TNFSF10: variants seen among roughly 807,000 people sequenced by gnomAD.
The protein encoded by TNFSF10 is tumor necrosis factor ligand superfamily member 10.
Under a neutral mutation model 29.5 loss-of-function variants are expected in TNFSF10, and 13 were observed. That is an observed-to-expected ratio of 0.44 (90% CI 0.29 to 0.70). TNFSF10 has a LOEUF of 0.70. Ranked by LOEUF, TNFSF10 falls within the 30% of genes least tolerant of loss-of-function variation. The probability of loss-of-function intolerance (pLI) is 0.13; values close to 1 mark genes in which losing one functional copy is unlikely to be tolerated. For missense variants in TNFSF10, 345 were observed against 330.9 expected, an observed-to-expected ratio of 1.04 and a Z score of -0.33; for synonymous variants, 111 against 112.8, an observed-to-expected ratio of 0.98 and a Z score of 0.10.
chr3:172,521,766 T>G (rs1022266569), intron 1 of TNFSF10, among the ~76,000 whole-genome samples: 16 of 152,310 alleles, frequency 1.1e-4, no homozygotes, highest in African/African-American at 3.6e-4. Flanking sequence ...CCAGCACCAT[T>G]TACAATAGCA....
Position 172,523,404 on chromosome 3 carries a change from T to G in TNFSF10, c.-20A>C, listed in dbSNP as rs1434082723. On this transcript the variant is annotated 5_prime_UTR_variant, in exon 1 of 5. Coordinates refer to ENST00000241261, the MANE Select transcript of TNFSF10 (RefSeq NM_003810.4). ...AGCCATGATCCTGTCAGAGTCTGAC[T>G]GCTGTAAGTCAGCCAGGCAGCCGGT... is the stretch of plus-strand genomic sequence containing the variant. 6.2e-7 allele frequency: 1 copy of G among 1,603,852 alleles called. No homozygotes were observed. The highest frequency in any genetic ancestry group is 1.3e-5 in the African/African-American group (1 of 74,882).
chr3:172,519,798 A>G (rs1399457031), intron 1 of TNFSF10, among the ~76,000 whole-genome samples: 3 of 152,254 alleles, frequency 2.0e-5, no homozygotes, highest in Non-Finnish European at 4.4e-5. Context: ...GCAAATAGTT[A>G]CTACTCTATG....
At chr3:172,515,640 A>T (rs769776938) in intron 1 of TNFSF10, among the ~76,000 whole-genome samples, 7 of 152,064 alleles carry the variant, frequency 4.6e-5, no homozygotes, top group Non-Finnish European at 1.0e-4. Context: ...ATTGGTAGAG[A>T]CCTTAAACAC....
At position 172,514,955 on chromosome 3, in the gene TNFSF10, T is replaced by C; in HGVS notation, c.176A>G (p.Lys59Arg). The C allele has an allele frequency of 6.2e-7, 1 of 1,614,192 alleles. No individual in the cohort carries two copies. Among genetic ancestry groups the C allele is most frequent in the South Asian group, 1.1e-5 (1 of 91,086 alleles). ...YSKSGIACFL[K>R]EDDSYWDPND... Reference sequence around the variant, plus strand: ...GGGGTCCCAATAACTGTCATCTTCTTTTAAGAAACAAGCAATGCCACTTTT... The same window carrying C: ...GGGGTCCCAATAACTGTCATCTTCTCTTAAGAAACAAGCAATGCCACTTTT... Residue 59 changes from lysine to arginine, a missense_variant, in exon 2 of 5, where the codon AAA (lysine) becomes AGA (arginine). Lys to Arg is a conservative substitution (Grantham distance 26). Transcript: ENST00000241261.
At chr3:172,515,056 A>T in intron 1 of TNFSF10, 58 bp from the exon 2 acceptor site, 1 of 1,608,896 alleles carries the variant, frequency 6.2e-7, no homozygotes, top group South Asian at 1.1e-5. Flanking sequence ...ATTTTTGTTC[A>T]TTTGGAAGTT....
intron 3 of TNFSF10, among the ~76,000 whole-genome samples, chr3:172,510,120 C>T (rs560702915): frequency 6.6e-6 from 1 of 152,258 alleles, no homozygotes; most frequent in African/African-American, 2.4e-5. Context: ...CACTACACCC[C>T]AGAGGGCTAC....
Position 172,505,529 on chromosome 3 carries a change from A to T in TNFSF10, c.*963T>A, listed in dbSNP as rs184623167. 1.2e-4 allele frequency: 18 copies of T among 152,188 alleles called. No homozygotes were observed. Among genetic ancestry groups the T allele is most frequent in the Admixed American group, 1.2e-3 (18 of 15,288 alleles). The allele number at this position is 152,188 out of a possible 1,614,324, so 9.4% of individuals were successfully genotyped here. A position where few individuals can be genotyped will look rare whatever the true frequency, so the allele number is the denominator to read the frequency against. The stretch of plus-strand genomic sequence containing the variant: ...TTGATCATATTAAATTAAAAGTAAG[A>T]AATTTATTTCTTCTGTAATATGTGT... On this transcript the variant is annotated 3_prime_UTR_variant, in exon 5 of 5. Coordinates refer to ENST00000241261, the MANE Select transcript of TNFSF10 (RefSeq NM_003810.4).
At position 172,523,316 on chromosome 3, in the gene TNFSF10, T is replaced by A. The variant is rs1359524628; in HGVS notation, c.69A>T (p.Thr23=). The change falls in exon 1 of 5, where the codon ACA becomes ACT. Residue 23 remains threonine, a synonymous_variant. Transcript: ENST00000241261. ...CCACACAGAGAGACTGCAGGAGCACTGTGAAGATCACGATCAGCACGCAGG... is the reference window on the plus strand; with the variant it reads ...CCACACAGAGAGACTGCAGGAGCACAGTGAAGATCACGATCAGCACGCAGG... ...GQTCVLIVIF[T]VLLQSLCVAV... 6 of 1,614,094 alleles carry A rather than the reference T, an allele frequency of 3.7e-6. No individual in the cohort carries two copies. The South Asian group carries it at 6.6e-5, about 18-fold the overall frequency.
rs763023044 is a variant in TNFSF10, at chr3:172,514,848, T to A, written c.270+13A>T. 5 of 1,613,342 alleles carry A rather than the reference T, an allele frequency of 3.1e-6. No homozygotes were observed. The South Asian group carries it at 5.5e-5, about 18-fold the overall frequency. On this transcript the variant is annotated intron_variant, in intron 2 of 4. Transcript: ENST00000241261. ...TCCGCCTGCTGGTGAGGTCACCTGG[T>A]GAGGTTACCTACCTTTCTAACGAGC...
chr3:172,511,633 G>T lies in TNFSF10; in HGVS notation c.297C>A (p.Thr99=). The T allele has an allele frequency of 6.2e-7, 1 of 1,611,392 alleles. No homozygotes were observed. Among genetic ancestry groups the T allele is most frequent in the African/African-American group, 1.3e-5 (1 of 74,946 alleles). ...RKMILRTSEE[T]ISTVQEKQQN... The stretch of plus-strand genomic sequence containing the variant: ...AGATACTACCTTGAACTGTAGAAAT[G>T]GTTTCCTCAGAGGTTCTCAAAATCA... Residue 99 remains threonine, a synonymous_variant, in exon 3 of 5, where the codon ACC becomes ACA. Coordinates refer to ENST00000241261, the MANE Select transcript of TNFSF10 (RefSeq NM_003810.4).
At chr3:172,520,300 T>C (rs1713629022) in intron 1 of TNFSF10, among the ~76,000 whole-genome samples, 2 of 152,196 alleles carry the variant, frequency 1.3e-5, no homozygotes, top group Admixed American at 1.3e-4. Flanking sequence ...CAGGCAGAGA[T>C]TGGCAGTTTG....
In TNFSF10 at chr3:172,523,275, T is replaced by G; in HGVS notation, c.110A>C (p.Tyr37Ser). The G allele has an allele frequency of 6.2e-7, 1 of 1,613,894 alleles. No individual in the cohort carries two copies. The highest frequency in any genetic ancestry group is 8.5e-7 in the Non-Finnish European group (1 of 1,179,808). The change falls in exon 1 of 5, where the codon TAC becomes TCC. Residue 37 changes from tyrosine to serine, a missense_variant. Physicochemically the swap from Tyr to Ser is moderately radical, Grantham distance 144. Coordinates refer to ENST00000241261, the MANE Select transcript of TNFSF10 (RefSeq NM_003810.4). ...QSLCVAVTYVYFTNELKQMQD... is the reference protein window; with the variant it reads ...QSLCVAVTYVSFTNELKQMQD... ...GACCTGCTTCAGCTCGTTGGTAAAG[T>G]ACACGTAAGTTACAGCCACACAGAG...
In TNFSF10 at chr3:172,506,566, C is replaced by T; in HGVS notation, c.772G>A (p.Val258Ile). The change falls in exon 5 of 5, where the codon GTT becomes ATT. Residue 258 changes from valine to isoleucine, a missense_variant. Transcript: ENST00000241261. ...FELKENDRIF[V>I]SVTNEHLIDM... The stretch of plus-strand genomic sequence containing the variant: ...ATCAAGTGCTCATTTGTTACAGAAA[C>T]AAAAATTCTGTCATTTTCCTTAAGC... 2 of 1,614,040 alleles carry T rather than the reference C, an allele frequency of 1.2e-6. No individual in the cohort carries two copies. Among genetic ancestry groups the T allele is most frequent in the African/African-American group, 1.3e-5 (1 of 75,024 alleles).
chr3:172,516,323 AT>A (rs1301791124), intron 1 of TNFSF10, among the ~76,000 whole-genome samples: 1 of 152,186 alleles, frequency 6.6e-6, no homozygotes, highest in African/African-American at 2.4e-5. Context: ...GAAAATGACA[AT>A]TTTAATCTGT....
intron 4 of TNFSF10, among the ~76,000 whole-genome samples, chr3:172,508,231 G>T (rs1393385174): frequency 6.6e-6 from 1 of 151,764 alleles, no homozygotes; most frequent in African/African-American, 2.4e-5. Context: ...GGAGGCAAAG[G>T]TTGCAGTGAG....
rs557501520 is a variant in TNFSF10, at chr3:172,506,319, T to C, written c.*173A>G. 3.0e-4 allele frequency: 193 copies of C among 651,486 alleles called. No homozygotes were observed. The highest frequency in any genetic ancestry group is 4.5e-4 in the Non-Finnish European group (178 of 392,334). The allele number at this position is 651,486 out of a possible 1,614,324, so 40.4% of individuals were successfully genotyped here. The stretch of plus-strand genomic sequence containing the variant: ...TAAGTGAGTCACTTTCAGAACAGTG[T>C]GTGTTGTAGAATTTTTTGGTTGTGG... On this transcript the variant is annotated 3_prime_UTR_variant, in exon 5 of 5. Coordinates refer to ENST00000241261, the MANE Select transcript of TNFSF10 (RefSeq NM_003810.4).
intron 1 of TNFSF10, among the ~76,000 whole-genome samples, chr3:172,520,045 C>T (rs1051513714): frequency 2.0e-5 from 3 of 152,194 alleles, no homozygotes; most frequent in East Asian, 3.8e-4. Flanking sequence ...CTTGTCTCCT[C>T]GTCTGTAAAA....
chr3:172,512,237 T>C (rs1229746236), intron 2 of TNFSF10, among the ~76,000 whole-genome samples: 1 of 152,188 alleles, frequency 6.6e-6, no homozygotes, highest in Admixed American at 6.5e-5. Flanking sequence ...GCTGAGCCAT[T>C]CTCAACATAA....
intron 3 of TNFSF10, among the ~76,000 whole-genome samples, chr3:172,511,257 T>G (rs2108445883): frequency 6.6e-6 from 1 of 152,324 alleles, no homozygotes; most frequent in South Asian, 2.1e-4. Context: ...AGGGTAACTT[T>G]AAGGGACTTC....
Sources: allele counts gnomAD v4.1 joint callset (sites outside exome capture counted in the v4.1 genomes callset), GRCh38; gene constraint gnomAD v4.1.1; transcripts MANE v1.5; gene names NCBI Gene and HGNC (gene_info 2026-07-23, HGNC 2026-07-21).